Variants in KATNAL1 observed in about 807,000 individuals in gnomAD.
The protein encoded by KATNAL1 is katanin p60 ATPase-containing subunit A-like 1.
A neutral mutation model predicts 55.2 loss-of-function variants in KATNAL1; 32 were observed. That is an observed-to-expected ratio of 0.58 (90% CI 0.44 to 0.78). The LOEUF (loss-of-function observed/expected upper bound fraction) is 0.78, where lower values mean the gene tolerates loss of function less well. Ranked by LOEUF, KATNAL1 falls within the 30% of genes least tolerant of loss-of-function variation. KATNAL1 has a pLI of 0.00. For missense variants in KATNAL1, 466 were observed against 600.9 expected (o/e 0.78, Z 2.35); for synonymous variants, 193 against 193.6 (o/e 1.00, Z 0.02).
At chr13:30,305,346 T>A (rs9578161) in intron 1 of KATNAL1, among the ~76,000 whole-genome samples, 33,093 of 152,218 alleles carry the variant, frequency 0.22, 4,414 homozygotes, top group Non-Finnish European at 0.3. Flanking sequence ...TTTTGTGCCA[T>A]CCATTTGTCC....
In KATNAL1 at chr13:30,277,982, C is replaced by CAA. The variant is rs55683675; in HGVS notation, c.323+2079_323+2080dup. ...TGGGGGACAGAGCGAGACTCCGTCTCAAAAAAAAAAAAAAAAAAAAAAAAA... is the reference window on the plus strand; with the variant it reads ...TGGGGGACAGAGCGAGACTCCGTCTCAAAAAAAAAAAAAAAAAAAAAAAAAAA... On this transcript the variant is annotated intron_variant, in intron 3 of 10. Transcript: ENST00000380615. Among the ~76,000 whole-genome samples, 216 of 61,292 alleles carry CAA rather than the reference C, an allele frequency of 3.5e-3. 14 individuals carry two copies. Among genetic ancestry groups the CAA allele is most frequent in the African/African-American group, 4.9e-3 (69 of 14,142 alleles). The allele number at this position is 61,292 out of a possible 152,430, so 40.2% of individuals were successfully genotyped here.
In KATNAL1 at chr13:30,224,315, G is replaced by A. The variant is rs9551874; in HGVS notation, c.1147+3097C>T. 7.2e-5 allele frequency among the ~76,000 whole-genome samples: 11 copies of A among 152,222 alleles called. No individual in the cohort carries two copies. The East Asian group carries it at 1.9e-3, about 27-fold the overall frequency. On this transcript the variant is annotated intron_variant, in intron 9 of 10. Transcript: ENST00000380615. ...CCCAGTGCTACTGGGAGGATTGCTT[G>A]AGGCCAGGAGTTTGAGACCAGCCTG... is the stretch of plus-strand genomic sequence containing the variant.
At position 30,205,799 on chromosome 13, in the gene KATNAL1, A is replaced by T. The variant is rs1873079561; in HGVS notation, c.*2741T>A. The T allele has an allele frequency of 6.9e-6, 1 of 145,088 alleles. No individual in the cohort carries two copies. The highest frequency in any genetic ancestry group is 2.8e-5 in the African/African-American group (1 of 36,068). 9.0% of individuals were successfully genotyped at this position (145,088 alleles called of 1,614,324 possible). On this transcript the variant is annotated 3_prime_UTR_variant, in exon 11 of 11. Transcript: ENST00000380615. The stretch of plus-strand genomic sequence containing the variant: ...GTGTGTGTGTGTGTGTCTCACGCCT[A>T]TAAGGCAACACACTGTCTTCTGCAA...
At chr13:30,258,940 G>A (rs1214874374) in intron 3 of KATNAL1, among the ~76,000 whole-genome samples, 2 of 152,144 alleles carry the variant, frequency 1.3e-5, no homozygotes, top group Non-Finnish European at 1.5e-5. Flanking sequence ...TTTGCTATCA[G>A]ATTATAAACA....
At chr13:30,210,162 T>C (rs556337068) in intron 10 of KATNAL1, among the ~76,000 whole-genome samples, 154 bp downstream of exon 10, 215 of 144,336 alleles carry the variant, frequency 1.5e-3, no homozygotes, top group African/African-American at 5.4e-3. Flanking sequence ...TAAAGTTATA[T>C]GTAAAAAAAA....
chr13:30,260,144 G>A (rs1269443976), intron 3 of KATNAL1, among the ~76,000 whole-genome samples: 1 of 152,092 alleles, frequency 6.6e-6, no homozygotes, highest in African/African-American at 2.4e-5. Context: ...TACTCCAACA[G>A]ACCTGCAGCT....
At chr13:30,292,011 G>C (rs554797303) in intron 1 of KATNAL1, among the ~76,000 whole-genome samples, 10 of 152,202 alleles carry the variant, frequency 6.6e-5, no homozygotes, top group African/African-American at 1.9e-4. Context: ...CTCCAGCCAA[G>C]GCAACAAGAG....
chr13:30,296,510 T>C, intron 1 of KATNAL1: 2 of 733,268 alleles, frequency 2.7e-6, no homozygotes, highest in Non-Finnish European at 2.6e-6. Context: ...ATGAGTGCAT[T>C]GCCTACTGGG....
intron 3 of KATNAL1, among the ~76,000 whole-genome samples, chr13:30,256,535 CTAT>C (rs1331482935): frequency 6.6e-6 from 1 of 152,118 alleles, no homozygotes; most frequent in Non-Finnish European, 1.5e-5. Flanking sequence ...CATGCCATAT[CTAT>C]TATTATCCCC....
chr13:30,273,768 T>C (rs560600124), intron 3 of KATNAL1, among the ~76,000 whole-genome samples: 1 of 152,346 alleles, frequency 6.6e-6, no homozygotes, highest in South Asian at 2.1e-4. Context: ...GAACTTAAAA[T>C]TTCTTTGTCA....
rs200409413 is a variant in KATNAL1, at chr13:30,210,465, T to C, written c.1148-23A>G. Reference sequence around the variant, plus strand: ...TTGCTGTTACAAGATTTTGGTGGTGTTGTTAGATGTTTTACTTTACAAATA... The same window carrying C: ...TTGCTGTTACAAGATTTTGGTGGTGCTGTTAGATGTTTTACTTTACAAATA... On this transcript the variant is annotated intron_variant, in intron 9 of 10. Coordinates refer to ENST00000380615, the MANE Select transcript of KATNAL1 (RefSeq NM_032116.5). 3.2e-6 allele frequency: 5 copies of C among 1,581,378 alleles called. No individual in the cohort carries two copies. The African/African-American group carries it at 6.9e-5, about 22-fold the overall frequency.
At chr13:30,229,321 G>A (rs922496210) in intron 8 of KATNAL1, among the ~76,000 whole-genome samples, 5 of 151,702 alleles carry the variant, frequency 3.3e-5, no homozygotes, top group East Asian at 1.9e-4. Flanking sequence ...TTACTTCTAC[G>A]CCAGAATGTA....
chr13:30,246,295 A>C (rs1877787121), intron 4 of KATNAL1, among the ~76,000 whole-genome samples: 1 of 152,242 alleles, frequency 6.6e-6, no homozygotes, highest in South Asian at 2.1e-4. Flanking sequence ...CAATGGGGAA[A>C]GGATTCCCTA....
chr13:30,279,189 A>G (rs1881085350), intron 3 of KATNAL1, among the ~76,000 whole-genome samples: 1 of 152,232 alleles, frequency 6.6e-6, no homozygotes, highest in Admixed American at 6.5e-5. Context: ...CTCAGGCTTC[A>G]GTTTCCTTGT....
chr13:30,306,788 C>G (rs1362599507), intron 1 of KATNAL1: 1 of 152,256 alleles, frequency 6.6e-6, no homozygotes, highest in Non-Finnish European at 1.5e-5. Flanking sequence ...AGGCAGCAAC[C>G]TGCGAGGGTC....
intron 9 of KATNAL1, among the ~76,000 whole-genome samples, chr13:30,225,381 A>C (rs938864178): frequency 6.6e-6 from 1 of 152,130 alleles, no homozygotes; most frequent in African/African-American, 2.4e-5. Flanking sequence ...AATCCAAACA[A>C]ATCTGACAAC....
chr13:30,238,467 A>G (rs1486993993), intron 6 of KATNAL1, among the ~76,000 whole-genome samples: 2 of 152,088 alleles, frequency 1.3e-5, no homozygotes, highest in East Asian at 1.9e-4. Flanking sequence ...CAAAACTTCA[A>G]TGCATCTATT....
At chr13:30,285,155 A>G (rs1352560634) in intron 1 of KATNAL1, among the ~76,000 whole-genome samples, 6 of 152,178 alleles carry the variant, frequency 3.9e-5, no homozygotes, top group Admixed American at 6.5e-5. Context: ...AAGGACTCCA[A>G]CACATTTTTA....
Position 30,203,406 on chromosome 13 carries a change from A to T in KATNAL1, c.*5134T>A, listed in dbSNP as rs1196332602. ...CTGGTTAACTGAGGTAGACTCTGGGAATTACACGTGCAAAGAGTCAGGTTT... is the reference window on the plus strand; with the variant it reads ...CTGGTTAACTGAGGTAGACTCTGGGTATTACACGTGCAAAGAGTCAGGTTT... On this transcript the variant is annotated 3_prime_UTR_variant, in exon 11 of 11. Coordinates refer to ENST00000380615, the MANE Select transcript of KATNAL1 (RefSeq NM_032116.5). 6.6e-6 allele frequency: 1 copy of T among 152,256 alleles called. No individual in the cohort carries two copies. Among genetic ancestry groups the T allele is most frequent in the African/African-American group, 2.4e-5 (1 of 41,476 alleles). 9.4% of individuals were successfully genotyped at this position (152,256 alleles called of 1,614,324 possible).
Sources: gnomAD v4.1 joint callset for allele counts (sites outside exome capture counted in the v4.1 genomes callset) on GRCh38, gnomAD v4.1.1 for gene constraint, MANE v1.5 for transcripts, NCBI Gene and HGNC (gene_info 2026-07-23, HGNC 2026-07-21) for gene names.